TFCP2L1: variants seen among roughly 807,000 people sequenced by gnomAD.
The protein encoded by TFCP2L1 is transcription factor CP2-like protein 1.
Under a neutral mutation model 72.2 loss-of-function variants are expected in TFCP2L1, and 12 were observed. The observed-to-expected ratio is 0.17, with a 90% CI of 0.11 to 0.27. The LOEUF (loss-of-function observed/expected upper bound fraction) is 0.27. TFCP2L1 is among the 10% of genes least tolerant of loss of function. The pLI, the probability that TFCP2L1 is intolerant of heterozygous loss-of-function variation, is 1.00. For synonymous variants in TFCP2L1, 260 were observed against 251.0 expected (o/e 1.04, Z -0.34); for missense variants, 488 against 624.6 (o/e 0.78, Z 2.33).
chr2:121,242,186 C>T (rs1460650504), intron 7 of TFCP2L1, among the ~76,000 whole-genome samples, 173 bp downstream of exon 7: 2 of 151,838 alleles, frequency 1.3e-5, no homozygotes, highest in African/African-American at 4.8e-5. Context: ...CCTCCCGGGC[C>T]ACTGGGTCTT....
At chr2:121,258,933 A>T (rs931950042) in intron 2 of TFCP2L1, among the ~76,000 whole-genome samples, 3 of 152,216 alleles carry the variant, frequency 2.0e-5, no homozygotes, top group Non-Finnish European at 4.4e-5. Context: ...TAGGAAATAC[A>T]TGCTAAAGTA....
In TFCP2L1 at chr2:121,272,572, T is replaced by C. The variant is rs576158802; in HGVS notation, c.214+8548A>G. ...CTCTAAGAGATGCAGTTCTTAGCTT[T>C]AGAGCCAACCCTGTGTTAATCTTTG... is the stretch of plus-strand genomic sequence containing the variant. On this transcript the variant is annotated intron_variant, in intron 2 of 14. Coordinates refer to ENST00000263707, the MANE Select transcript of TFCP2L1 (RefSeq NM_014553.3). 2.0e-5 allele frequency among the ~76,000 whole-genome samples: 3 copies of C among 152,340 alleles called. No individual in the cohort carries two copies. The East Asian group carries it at 5.8e-4, about 29-fold the overall frequency.
At chr2:121,268,485 C>CT (rs1161860600) in intron 2 of TFCP2L1, among the ~76,000 whole-genome samples, 1 of 152,108 alleles carries the variant, frequency 6.6e-6, no homozygotes, top group African/African-American at 2.4e-5. Flanking sequence ...TCCAGAGTGG[C>CT]TGGGACCACA....
At chr2:121,240,056 C>T in intron 7 of TFCP2L1, 1 of 985,336 alleles carries the variant, frequency 1.0e-6, no homozygotes, top group East Asian at 1.1e-4. Flanking sequence ...GGACCACAGG[C>T]AACTTCCAAA....
rs1008628457 is a variant in TFCP2L1, at chr2:121,269,925, A to G, written c.214+11195T>C. Among the ~76,000 whole-genome samples, 9 of 146,030 alleles carry G rather than the reference A, an allele frequency of 6.2e-5. 1 individual carries two copies. Among genetic ancestry groups the G allele is most frequent in the African/African-American group, 2.0e-4 (8 of 39,202 alleles). On this transcript the variant is annotated intron_variant, in intron 2 of 14. Transcript: ENST00000263707. Reference sequence around the variant, plus strand: ...CTCCATCTAAAAAAAAAAAATATATATATATATATATGCAAAAGAAATAAA... The same window carrying G: ...CTCCATCTAAAAAAAAAAAATATATGTATATATATATGCAAAAGAAATAAA...
rs1027012383 is a variant in TFCP2L1, at chr2:121,276,259, C to T, written c.214+4861G>A. Among the ~76,000 whole-genome samples the T allele has an allele frequency of 1.1e-4, 17 of 151,772 alleles. No homozygotes were observed. In the South Asian group the frequency reaches 2.7e-3, roughly 24 times the overall value. ...AGGCCCCAGTGTGTGATCTCCCCTC[C>T]CTGTGCCCATATATTCTCATTGTTC... On this transcript the variant is annotated intron_variant, in intron 2 of 14. Coordinates refer to ENST00000263707, the MANE Select transcript of TFCP2L1 (RefSeq NM_014553.3).
At chr2:121,266,358 A>G (rs1686930471) in intron 2 of TFCP2L1, among the ~76,000 whole-genome samples, 1 of 152,098 alleles carries the variant, frequency 6.6e-6, no homozygotes, top group Non-Finnish European at 1.5e-5. Context: ...CTGAGACCCT[A>G]TGATGTACCT....
At chr2:121,248,857 T>G in intron 4 of TFCP2L1, 125 bp downstream of exon 4, 2 of 648,186 alleles carry the variant, frequency 3.1e-6, no homozygotes, top group Non-Finnish European at 4.9e-6. Flanking sequence ...TCCCGCGGGG[T>G]TTTACACAGA....
At chr2:121,272,381 C>T (rs985368390) in intron 2 of TFCP2L1, among the ~76,000 whole-genome samples, 5 of 152,186 alleles carry the variant, frequency 3.3e-5, no homozygotes, top group African/African-American at 7.2e-5. Context: ...TGATAGTTTA[C>T]GGCATTTAGG....
intron 14 of TFCP2L1, among the ~76,000 whole-genome samples, chr2:121,225,331 A>G (rs1686007195): frequency 6.6e-6 from 1 of 152,180 alleles, no homozygotes; most frequent in Non-Finnish European, 1.5e-5. Flanking sequence ...CTCAACACTG[A>G]GTTCATAGAA....
At chr2:121,233,726 C>T (rs935357570) in intron 12 of TFCP2L1, among the ~76,000 whole-genome samples, 6 of 152,174 alleles carry the variant, frequency 3.9e-5, no homozygotes, top group African/African-American at 1.2e-4. Context: ...CTGAGGTCCT[C>T]GAGAGTCTCC....
chr2:121,254,356 C>T (rs938034397), intron 2 of TFCP2L1, among the ~76,000 whole-genome samples: 2 of 152,044 alleles, frequency 1.3e-5, no homozygotes, highest in Non-Finnish European at 2.9e-5. Flanking sequence ...CAAAGGAGGC[C>T]CAAAAGTGAG....
chr2:121,230,593 C>A (rs956707047), intron 13 of TFCP2L1, among the ~76,000 whole-genome samples: 1 of 152,134 alleles, frequency 6.6e-6, no homozygotes, highest in Admixed American at 6.5e-5. Flanking sequence ...CCAGCCTGGG[C>A]AACATGGCAA....
Position 121,235,323 on chromosome 2 carries a change from A to T in TFCP2L1, c.1004-12T>A, listed in dbSNP as rs117569534. The T allele has an allele frequency of 9.8e-4, 1,582 of 1,614,000 alleles. 40 individuals are homozygous for T. The East Asian group carries it at 0.031, about 32-fold the overall frequency. ...CAGCAAGTCAGCACCTAGGCAGGAA[A>T]AAAACGGGGATGCCTGTTACATGGA... is the stretch of plus-strand genomic sequence containing the variant. On this transcript the variant is annotated splice_polypyrimidine_tract_variant and intron_variant, in intron 10 of 14. Coordinates refer to ENST00000263707, the MANE Select transcript of TFCP2L1 (RefSeq NM_014553.3).
chr2:121,272,253 A>G (rs1424634193), intron 2 of TFCP2L1, among the ~76,000 whole-genome samples: 1 of 152,226 alleles, frequency 6.6e-6, no homozygotes, highest in African/African-American at 2.4e-5. Context: ...GCATCTTGGG[A>G]GAACAACCCA....
chr2:121,230,170 T>C (rs956158662), intron 13 of TFCP2L1, among the ~76,000 whole-genome samples: 3 of 152,062 alleles, frequency 2.0e-5, no homozygotes, highest in African/African-American at 7.2e-5. Flanking sequence ...TGTTTGTTTG[T>C]TTGCTTTGTT....
rs1434166887 is a variant in TFCP2L1, at chr2:121,233,868, G to A, written c.1198+223C>T. ...CAATCCCAACACCTTCCCAAGCCTCGGGGTGTGCACTAAGGCAGCACCCAC... is the reference window on the plus strand; with the variant it reads ...CAATCCCAACACCTTCCCAAGCCTCAGGGTGTGCACTAAGGCAGCACCCAC... On this transcript the variant is annotated intron_variant, in intron 12 of 14. Transcript: ENST00000263707. 3.9e-5 allele frequency among the ~76,000 whole-genome samples: 6 copies of A among 152,214 alleles called. No homozygotes were observed. In the East Asian group the frequency reaches 5.8e-4, roughly 15 times the overall value.
intron 2 of TFCP2L1, among the ~76,000 whole-genome samples, chr2:121,254,909 A>G (rs1455121695): frequency 2.6e-5 from 4 of 152,072 alleles, no homozygotes; most frequent in Non-Finnish European, 4.4e-5. Flanking sequence ...CAGGGTGCTT[A>G]TCTGTGGCAA....
intron 12 of TFCP2L1, among the ~76,000 whole-genome samples, chr2:121,232,581 C>T (rs558328488): frequency 6.6e-6 from 1 of 152,294 alleles, no homozygotes; most frequent in Admixed American, 6.5e-5. Context: ...CAGATGTGAA[C>T]CCACATCAGA....
Sources: allele counts gnomAD v4.1 joint callset (sites outside exome capture counted in the v4.1 genomes callset), GRCh38; gene constraint gnomAD v4.1.1; transcripts MANE v1.5; gene names NCBI Gene and HGNC (gene_info 2026-07-23, HGNC 2026-07-21).